Variants in SNAP91 observed in about 807,000 individuals in gnomAD.
The protein encoded by SNAP91 is synaptosome associated protein 91.
A neutral mutation model predicts 100.3 loss-of-function variants in SNAP91; 27 were observed. The observed-to-expected ratio is 0.27, with a 90% CI of 0.20 to 0.37. SNAP91 has a LOEUF of 0.37. Among genes scored for constraint, SNAP91 ranks in the 10% least tolerant of loss-of-function variants. The probability of loss-of-function intolerance (pLI) is 1.00; values close to 1 mark genes in which losing one functional copy is unlikely to be tolerated. For synonymous variants in SNAP91, 404 were observed against 398.6 expected (o/e 1.01, Z -0.16); for missense variants, 986 against 1,123.7 (o/e 0.88, Z 1.75).
rs369770435 is a variant in SNAP91 at position 83,656,738 on chromosome 6, C to T, written c.658+16G>A. The T allele has an allele frequency of 2.7e-5, 33 of 1,221,428 alleles. No homozygotes were observed. Among genetic ancestry groups the T allele is most frequent in the Admixed American group, 1.3e-4 (7 of 53,086 alleles). The allele number at this position is 1,221,428 out of a possible 1,614,324, so 75.7% of individuals were successfully genotyped here. Reference sequence around the variant, plus strand: ...GTATCCCATCAGCCCAGACATGTTTCGGTTGTTCCACCTACCGAGTAAGTT... The same window carrying T: ...GTATCCCATCAGCCCAGACATGTTTTGGTTGTTCCACCTACCGAGTAAGTT... On this transcript the variant is annotated intron_variant, in intron 7 of 29. Coordinates refer to ENST00000369694, the MANE Select transcript of SNAP91 (RefSeq NM_001242792.2).
At chr6:83,606,388 T>C (rs888443282) in intron 13 of SNAP91, among the ~76,000 whole-genome samples, 1 of 152,128 alleles carries the variant, frequency 6.6e-6, no homozygotes, top group Admixed American at 6.5e-5. Context: ...GCATTTTTTA[T>C]TTTTACTCAG....
chr6:83,640,579 G>C (rs1404665157), intron 8 of SNAP91, among the ~76,000 whole-genome samples: 1 of 152,020 alleles, frequency 6.6e-6, no homozygotes, highest in East Asian at 1.9e-4. Context: ...TTCTAATCAA[G>C]TATAAAGACA....
chr6:83,646,569 T>C (rs9444095), intron 7 of SNAP91, among the ~76,000 whole-genome samples: 9,901 of 152,248 alleles, frequency 0.065, 1,027 homozygotes, highest in African/African-American at 0.22. Context: ...TATTTGTCTA[T>C]TCTTTTGCCA....
At chr6:83,660,150 T>C (rs217308) in intron 5 of SNAP91, among the ~76,000 whole-genome samples, 58,302 of 152,012 alleles carry the variant, frequency 0.38, 11,656 homozygotes, top group South Asian at 0.5. Context: ...TATGTGTTCA[T>C]ACAGGGGTGC....
intron 2 of SNAP91, among the ~76,000 whole-genome samples, chr6:83,695,841 A>G (rs2099201234): frequency 6.6e-6 from 1 of 151,874 alleles, no homozygotes; most frequent in Admixed American, 6.6e-5. Flanking sequence ...CCACTGGCAC[A>G]GTTATGTCAC....
intron 26 of SNAP91, among the ~76,000 whole-genome samples, chr6:83,568,352 G>T (rs1321528295): frequency 6.6e-6 from 1 of 152,090 alleles, no homozygotes; most frequent in Non-Finnish European, 1.5e-5. Context: ...TTGTGGGATG[G>T]GGGGAGTGGG....
intron 9 of SNAP91, among the ~76,000 whole-genome samples, 182 bp from the exon 10 acceptor site, chr6:83,617,221 C>T (rs1374861132): frequency 6.6e-6 from 1 of 151,978 alleles, no homozygotes; most frequent in African/African-American, 2.4e-5. Flanking sequence ...CAGACAGACC[C>T]ATCTTAAATA....
chr6:83,578,577 C>T (rs1305017975), intron 24 of SNAP91, among the ~76,000 whole-genome samples: 2 of 152,020 alleles, frequency 1.3e-5, no homozygotes, highest in Non-Finnish European at 2.9e-5. Context: ...TTAAAAATTG[C>T]ATTATTTGTG....
chr6:83,705,865 G>A (rs373371885), intron 2 of SNAP91, among the ~76,000 whole-genome samples: 1 of 151,152 alleles, frequency 6.6e-6, no homozygotes, highest in East Asian at 1.9e-4. Context: ...ATTAAGTGAT[G>A]AAAGATTAAT....
At chr6:83,672,864 A>G (rs950156993) in intron 2 of SNAP91, among the ~76,000 whole-genome samples, 5 of 152,094 alleles carry the variant, frequency 3.3e-5, no homozygotes, top group African/African-American at 1.2e-4. Flanking sequence ...CCATTTTAAA[A>G]TCTCTCCCTA....
chr6:83,599,704 G>A (rs184685218), intron 16 of SNAP91, among the ~76,000 whole-genome samples: 4 of 152,286 alleles, frequency 2.6e-5, no homozygotes, highest in Non-Finnish European at 1.5e-5. Context: ...TTTTATAAAT[G>A]TAAGCTAAAA....
intron 8 of SNAP91, among the ~76,000 whole-genome samples, chr6:83,631,595 T>C (rs982349928): frequency 1.3e-5 from 2 of 152,128 alleles, no homozygotes; most frequent in African/African-American, 4.8e-5. Context: ...TATAATGTCC[T>C]TTTTTTGTCT....
At chr6:83,682,639 T>G (rs1392395736) in intron 2 of SNAP91, among the ~76,000 whole-genome samples, 1 of 152,058 alleles carries the variant, frequency 6.6e-6, no homozygotes, top group African/African-American at 2.4e-5. Flanking sequence ...ACGTGCAGGT[T>G]AGTTACATAT....
chr6:83,622,528 CTG>C (rs2128409574), intron 9 of SNAP91, among the ~76,000 whole-genome samples: 1 of 152,150 alleles, frequency 6.6e-6, no homozygotes, highest in Non-Finnish European at 1.5e-5. Context: ...GATAGCAGCT[CTG>C]TGTTTTCTCC....
chr6:83,555,634 T>C (rs986178740), intron 29 of SNAP91, among the ~76,000 whole-genome samples: 1 of 152,192 alleles, frequency 6.6e-6, no homozygotes, highest in Admixed American at 6.5e-5. Context: ...ATAAATTATA[T>C]GAAATTTGTG....
At chr6:83,660,129 T>G (rs2098510429) in intron 5 of SNAP91, among the ~76,000 whole-genome samples, 1 of 152,178 alleles carries the variant, frequency 6.6e-6, no homozygotes, top group Non-Finnish European at 1.5e-5. Flanking sequence ...GAAAGCAACC[T>G]GAAGTGTCCA....
At chr6:83,658,561 G>A (rs1224888437) in intron 6 of SNAP91, among the ~76,000 whole-genome samples, 3 of 152,038 alleles carry the variant, frequency 2.0e-5, no homozygotes, top group African/African-American at 7.2e-5. Flanking sequence ...AGCGGAGATC[G>A]CGCCACTGCA....
chr6:83,600,517 A>G (rs1336154957), intron 16 of SNAP91, among the ~76,000 whole-genome samples: 1 of 152,226 alleles, frequency 6.6e-6, no homozygotes, highest in African/African-American at 2.4e-5. Context: ...AGGTGTGGAC[A>G]TTGGTACCAC....
intron 14 of SNAP91, among the ~76,000 whole-genome samples, chr6:83,603,554 T>C (rs893628474): frequency 5.3e-5 from 8 of 151,884 alleles, no homozygotes; most frequent in Admixed American, 5.2e-4. Flanking sequence ...GGTAAATCAG[T>C]GAGTTCGTTT....
Sources: gnomAD v4.1 joint callset for allele counts (sites outside exome capture counted in the v4.1 genomes callset) on GRCh38, gnomAD v4.1.1 for gene constraint, MANE v1.5 for transcripts, NCBI Gene and HGNC (gene_info 2026-07-23, HGNC 2026-07-21) for gene names.